Variants in APH1B observed in about 807,000 individuals in gnomAD.
APH1B encodes gamma-secretase subunit APH-1B.
Under a neutral mutation model 28.2 loss-of-function variants are expected in APH1B, and 27 were observed. That is an observed-to-expected ratio of 0.96 (90% CI 0.70 to 1.32). The LOEUF is 1.32. APH1B is among the 40% of genes most tolerant of loss of function. The pLI is 0.00. For missense variants in APH1B, 305 were observed against 313.6 expected, an observed-to-expected ratio of 0.97 and a Z score of 0.21; for synonymous variants, 141 against 124.6, an observed-to-expected ratio of 1.13 and a Z score of -0.88.
chr15:63,287,834 CT>C (rs780977450), intron 4 of APH1B, among the ~76,000 whole-genome samples: 7 of 152,228 alleles, frequency 4.6e-5, no homozygotes, highest in Non-Finnish European at 8.8e-5. Context: ...GCCATGTGCT[CT>C]TTTTGGTTTT....
chr15:63,286,685 C>T (rs1469885154), intron 3 of APH1B, 57 bp downstream of exon 3: 1 of 1,455,744 alleles, frequency 6.9e-7, no homozygotes, highest in African/African-American at 1.4e-5. Flanking sequence ...GCATAAAAGT[C>T]ATTTGCATCT....
At chr15:63,292,800 C>T (rs755984849) in intron 4 of APH1B, among the ~76,000 whole-genome samples, 1 of 152,226 alleles carries the variant, frequency 6.6e-6, no homozygotes, top group African/African-American at 2.4e-5. Context: ...TATGACCTAT[C>T]ATAGTCTCTA....
At chr15:63,300,905 T>C (rs980220834) in intron 4 of APH1B, among the ~76,000 whole-genome samples, 1 of 152,250 alleles carries the variant, frequency 6.6e-6, no homozygotes, top group South Asian at 2.1e-4. Context: ...ATTGTGTGAA[T>C]AGAGCAGGAT....
At chr15:63,298,229 G>A (rs547564530) in intron 4 of APH1B, among the ~76,000 whole-genome samples, 40 of 152,006 alleles carry the variant, frequency 2.6e-4, no homozygotes, top group East Asian at 5.8e-4. Flanking sequence ...TTATTTTTTT[G>A]AGACAGGGTC....
At chr15:63,289,668 C>T (rs1286235718) in intron 4 of APH1B, among the ~76,000 whole-genome samples, 1 of 152,114 alleles carries the variant, frequency 6.6e-6, no homozygotes, top group Non-Finnish European at 1.5e-5. Context: ...GTAAAATTAC[C>T]TTCAGTCTGT....
chr15:63,278,468 C>A, intron 1 of APH1B: 1 of 390,080 alleles, frequency 2.6e-6, no homozygotes. Context: ...GCCAATGATT[C>A]CCGCTTTTCT....
intron 4 of APH1B, among the ~76,000 whole-genome samples, chr15:63,293,657 G>A (rs73445430): frequency 0.045 from 6,823 of 151,998 alleles, 472 homozygotes; most frequent in African/African-American, 0.15. Flanking sequence ...GCCACCCTGC[G>A]CAGCTGATTT....
At chr15:63,302,257 G>A in intron 4 of APH1B, 88 bp from the exon 5 acceptor site, 1 of 1,484,640 alleles carries the variant, frequency 6.7e-7, no homozygotes, top group Non-Finnish European at 9.0e-7. Context: ...GAGGTGTGGT[G>A]GACACCCCGA....
In APH1B at chr15:63,287,566, C is replaced by A; in HGVS notation, c.478+20C>A. The stretch of plus-strand genomic sequence containing the variant: ...ATTCAGGTATGTGTCTCATAGCTGT[C>A]AACATTCAGGCTTCTAGTCTAAATG... On this transcript the variant is annotated intron_variant, in intron 4 of 5. Coordinates refer to ENST00000261879, the MANE Select transcript of APH1B (RefSeq NM_031301.4). 1 of 1,611,366 alleles carries A rather than the reference C, an allele frequency of 6.2e-7. No homozygotes were observed. The highest frequency in any genetic ancestry group is 1.1e-5 in the South Asian group (1 of 90,590).
chr15:63,298,977 T>C (rs2038596339), intron 4 of APH1B, among the ~76,000 whole-genome samples: 1 of 151,032 alleles, frequency 6.6e-6, no homozygotes, highest in Non-Finnish European at 1.5e-5. Context: ...GGATTGTAAA[T>C]AAAAGTAAGA....
intron 4 of APH1B, among the ~76,000 whole-genome samples, chr15:63,292,539 C>T (rs2038515877): frequency 6.6e-6 from 1 of 151,918 alleles, no homozygotes; most frequent in South Asian, 2.1e-4. Context: ...CAGGCATGTG[C>T]TGCTATGCCC....
chr15:63,293,816 G>A (rs2038533207), intron 4 of APH1B, among the ~76,000 whole-genome samples: 1 of 152,160 alleles, frequency 6.6e-6, no homozygotes, highest in African/African-American at 2.4e-5. Context: ...CTAGGCTGGA[G>A]TGGAGTGGTG....
chr15:63,291,703 G>A (rs2038508381), intron 4 of APH1B: 1 of 152,190 alleles, frequency 6.6e-6, no homozygotes, highest in African/African-American at 2.4e-5. Flanking sequence ...AAGTCTCATG[G>A]TGGCTGGAAT....
intron 5 of APH1B, among the ~76,000 whole-genome samples, chr15:63,303,615 C>A (rs1318671244): frequency 6.6e-6 from 1 of 152,166 alleles, no homozygotes; most frequent in Non-Finnish European, 1.5e-5. Flanking sequence ...CCCACCACAC[C>A]CTTCCAAGTA....
At chr15:63,283,829 A>G (rs1228438143) in intron 2 of APH1B, among the ~76,000 whole-genome samples, 1 of 152,186 alleles carries the variant, frequency 6.6e-6, no homozygotes, top group East Asian at 1.9e-4. Context: ...TTTAGCTCTG[A>G]TAGCTGGACT....
chr15:63,289,690 A>G (rs545157023), intron 4 of APH1B, among the ~76,000 whole-genome samples: 19 of 152,346 alleles, frequency 1.2e-4, no homozygotes, highest in African/African-American at 3.8e-4. Flanking sequence ...TGTATCAGAT[A>G]TATATGAAAT....
intron 4 of APH1B, among the ~76,000 whole-genome samples, chr15:63,288,175 C>G (rs2038467367): frequency 6.6e-6 from 1 of 152,148 alleles, no homozygotes; most frequent in African/African-American, 2.4e-5. Flanking sequence ...TTAGTCGTTT[C>G]CACAACAGTT....
At chr15:63,298,462 C>T (rs906625211) in intron 4 of APH1B, among the ~76,000 whole-genome samples, 1 of 152,170 alleles carries the variant, frequency 6.6e-6, no homozygotes, top group Non-Finnish European at 1.5e-5. Flanking sequence ...CCACCCACCT[C>T]AGCCTCCCAG....
In APH1B at chr15:63,306,654, G is replaced by T. The variant is rs2038690914; in HGVS notation, c.*873G>T. 6.6e-6 allele frequency: 1 copy of T among 152,274 alleles called. No individual in the cohort carries two copies. Among genetic ancestry groups the T allele is most frequent in the Admixed American group, 6.5e-5 (1 of 15,278 alleles). The allele number at this position is 152,274 out of a possible 1,614,324, so 9.4% of individuals were successfully genotyped here. A position where few individuals can be genotyped will look rare whatever the true frequency, so the allele number is the denominator to read the frequency against. On this transcript the variant is annotated 3_prime_UTR_variant, in exon 6 of 6. Coordinates refer to ENST00000261879, the MANE Select transcript of APH1B (RefSeq NM_031301.4). Reference sequence around the variant, plus strand: ...TGGACTAGTTGAGGTGAAGTGCATTGTTTTCTCTCTGAGCAGCTGTGCGGG... The same window carrying T: ...TGGACTAGTTGAGGTGAAGTGCATTTTTTTCTCTCTGAGCAGCTGTGCGGG...
Sources: gnomAD v4.1 joint callset for allele counts (sites outside exome capture counted in the v4.1 genomes callset) on GRCh38, gnomAD v4.1.1 for gene constraint, MANE v1.5 for transcripts, NCBI Gene and HGNC (gene_info 2026-07-23, HGNC 2026-07-21) for gene names.